The following CSMD2 variants were observed in gnomAD, a reference collection of about 807,000 sequenced individuals.
The protein encoded by CSMD2 is CUB and Sushi multiple domains 2.
A neutral mutation model predicts 398.5 loss-of-function variants in CSMD2; 130 were observed. That is an observed-to-expected ratio of 0.33 (90% confidence interval 0.28 to 0.38). The LOEUF (loss-of-function observed/expected upper bound fraction) is 0.38. Ranked by LOEUF, CSMD2 falls within the 10% of genes least tolerant of loss-of-function variation. The pLI is 1.00. For missense variants in CSMD2, 3,829 were observed against 4,764.9 expected (o/e 0.80, Z 5.78); for synonymous variants, 1,828 against 1,908.5 (o/e 0.96, Z 1.10).
chr1:33,920,640 G>T (rs1393780684), intron 4 of CSMD2, among the ~76,000 whole-genome samples: 1 of 151,990 alleles, frequency 6.6e-6, no homozygotes, highest in African/African-American at 2.4e-5. Context: ...GGCCTGAGAG[G>T]CCGCTGTAAG....
intron 5 of CSMD2, among the ~76,000 whole-genome samples, chr1:33,866,589 G>C (rs1314212245): frequency 1.3e-5 from 2 of 152,216 alleles, no homozygotes; most frequent in Non-Finnish European, 2.9e-5. Context: ...GAGATCCTCA[G>C]ATATAAGTGC....
At chr1:34,040,219 A>T (rs1368900736) in intron 2 of CSMD2, among the ~76,000 whole-genome samples, 2 of 146,990 alleles carry the variant, frequency 1.4e-5, no homozygotes, top group South Asian at 2.2e-4. Flanking sequence ...AAAAAAAAAT[A>T]ATAAAAGACT....
At chr1:33,618,369 T>C (rs1311365652) in intron 37 of CSMD2, among the ~76,000 whole-genome samples, 2 of 151,934 alleles carry the variant, frequency 1.3e-5, no homozygotes, top group East Asian at 1.9e-4. Flanking sequence ...GCTTAAAATC[T>C]CTCCTTGAAT....
chr1:34,081,446 G>T (rs972703484), intron 2 of CSMD2, among the ~76,000 whole-genome samples: 2 of 123,584 alleles, frequency 1.6e-5, no homozygotes, highest in South Asian at 5.8e-4. Context: ...TTCGTCTCCC[G>T]CTTTCCATGG....
chr1:34,092,788 A>G (rs1658776523), intron 1 of CSMD2, among the ~76,000 whole-genome samples: 2 of 152,212 alleles, frequency 1.3e-5, no homozygotes, highest in Non-Finnish European at 2.9e-5. Context: ...TTGCTAGCAC[A>G]GCAGTCTGAG....
At chr1:33,697,296 C>G (rs1001231089) in intron 24 of CSMD2, among the ~76,000 whole-genome samples, 5 of 152,120 alleles carry the variant, frequency 3.3e-5, no homozygotes, top group Non-Finnish European at 7.4e-5. Context: ...ATCTGCTCTT[C>G]TCTGTATTCC....
intron 52 of CSMD2, among the ~76,000 whole-genome samples, chr1:33,568,877 A>T (rs1659315794): frequency 6.6e-6 from 1 of 152,164 alleles, no homozygotes; most frequent in African/African-American, 2.4e-5. Context: ...AGACAGAACC[A>T]TAGAACCAGG....
intron 2 of CSMD2, among the ~76,000 whole-genome samples, chr1:34,049,037 G>A (rs1570935083): frequency 6.6e-6 from 1 of 152,168 alleles, no homozygotes; most frequent in Non-Finnish European, 1.5e-5. Flanking sequence ...ACCCTTCTCA[G>A]TAAGAGGGGC....
chr1:34,164,078 C>T lies in CSMD2; in HGVS notation c.187+833G>A, dbSNP rs1365474417. ...CCCGCCGCCCGCGCCGCCGCTGCCG[C>T]TGCCGCAGCCGAGGCGCTCGGCTGC... On this transcript the variant is annotated intron_variant, in intron 1 of 70. Transcript: ENST00000373381. This position sits in a 1 kb window ranked among gnomAD's most constrained non-coding sequence, Gnocchi z 6.2. 6.6e-6 allele frequency among the ~76,000 whole-genome samples: 1 copy of T among 152,164 alleles called. No homozygotes were observed. The highest frequency in any genetic ancestry group is 2.4e-5 in the African/African-American group (1 of 41,458).
intron 3 of CSMD2, among the ~76,000 whole-genome samples, chr1:33,976,116 C>T (rs890977052): frequency 1.3e-5 from 2 of 152,188 alleles, no homozygotes; most frequent in Admixed American, 1.3e-4. Flanking sequence ...GCTGTCTCAC[C>T]TGAGTAGAAT....
intron 5 of CSMD2, among the ~76,000 whole-genome samples, chr1:33,880,760 G>GTAAT (rs1641181245): frequency 6.6e-6 from 1 of 152,132 alleles, no homozygotes; most frequent in Non-Finnish European, 1.5e-5. Flanking sequence ...TATACTCAAA[G>GTAAT]AAAGTACAAA....
intron 25 of CSMD2, among the ~76,000 whole-genome samples, chr1:33,672,280 GC>G (rs1160057495): frequency 6.6e-6 from 1 of 152,212 alleles, no homozygotes; most frequent in Admixed American, 6.5e-5. Flanking sequence ...CTAATACTGC[GC>G]TTTTCCAATG....
At chr1:33,813,925 T>C (rs16835937) in intron 9 of CSMD2, 17,401 of 152,674 alleles carry the variant, frequency 0.11, 1,193 homozygotes, top group East Asian at 0.26. Context: ...CCCACTACTG[T>C]CCTGACTGAA....
At chr1:33,787,154 C>T (rs894426207) in intron 12 of CSMD2, among the ~76,000 whole-genome samples, 8 of 152,154 alleles carry the variant, frequency 5.3e-5, no homozygotes, top group African/African-American at 1.7e-4. Flanking sequence ...ACAGCCACCA[C>T]CAGAAGCTAG....
intron 13 of CSMD2, among the ~76,000 whole-genome samples, chr1:33,756,141 A>G (rs1648980944): frequency 6.6e-6 from 1 of 152,162 alleles, no homozygotes; most frequent in Non-Finnish European, 1.5e-5. Context: ...ACCTTTTGAA[A>G]TATGAACAGA....
chr1:33,615,488 G>A (rs796923381), intron 39 of CSMD2, among the ~76,000 whole-genome samples: 42 of 152,246 alleles, frequency 2.8e-4, no homozygotes, highest in African/African-American at 1.0e-3. Context: ...CTCCAGCCTC[G>A]ACTGCCTGTG....
At chr1:34,048,598 A>G (rs1652815536) in intron 2 of CSMD2, among the ~76,000 whole-genome samples, 1 of 152,214 alleles carries the variant, frequency 6.6e-6, no homozygotes, top group Non-Finnish European at 1.5e-5. Flanking sequence ...TGCCTGCAAG[A>G]GGATGGAGAA....
intron 41 of CSMD2, 38 bp downstream of exon 41, chr1:33,611,002 GA>G (rs1476712923): frequency 6.3e-7 from 1 of 1,582,576 alleles, no homozygotes; most frequent in African/African-American, 1.3e-5. Context: ...AAGAGATGGA[GA>G]TAGACAGAGA....
intron 41 of CSMD2, among the ~76,000 whole-genome samples, chr1:33,609,055 T>C (rs1640824900): frequency 6.6e-6 from 1 of 152,346 alleles, no homozygotes. Flanking sequence ...ACAGACATCC[T>C]TGGGCAAGGC....
Sources: allele counts gnomAD v4.1 joint callset (sites outside exome capture counted in the v4.1 genomes callset), GRCh38; gene constraint gnomAD v4.1.1; non-coding constraint Gnocchi (gnomAD v3.1); transcripts MANE v1.5; gene names NCBI Gene and HGNC (gene_info 2026-07-23, HGNC 2026-07-21).